Variants in ZFAND3 observed in about 807,000 individuals in gnomAD.
ZFAND3 encodes the protein AN1-type zinc finger protein 3.
A neutral mutation model predicts 29.6 loss-of-function variants in ZFAND3; 10 were observed. The observed-to-expected ratio is 0.34, with a 90% CI of 0.21 to 0.57. The LOEUF is 0.57. ZFAND3 is among the 20% of genes least tolerant of loss of function. The pLI is 0.86. For missense variants in ZFAND3, 230 were observed against 304.5 expected (o/e 0.76, Z 1.82); for synonymous variants, 128 against 112.6 (o/e 1.14, Z -0.87).
chr6:37,942,622 A>T (rs1262517498), intron 2 of ZFAND3, among the ~76,000 whole-genome samples: 4 of 152,280 alleles, frequency 2.6e-5, no homozygotes, highest in African/African-American at 9.6e-5. Context: ...AAGCTTCTAC[A>T]ATCTTGTGGG....
chr6:38,151,265 C>T (rs1766217402), intron 5 of ZFAND3, among the ~76,000 whole-genome samples: 2 of 152,226 alleles, frequency 1.3e-5, no homozygotes, highest in African/African-American at 2.4e-5. Flanking sequence ...CGATAGGCCT[C>T]TTGATCTTTC....
At chr6:37,833,378 C>G (rs755988833) in intron 1 of ZFAND3, among the ~76,000 whole-genome samples, 2 of 152,146 alleles carry the variant, frequency 1.3e-5, no homozygotes, top group African/African-American at 2.4e-5. Context: ...AGTAACTGCT[C>G]CCTTCCTCTC....
chr6:37,933,800 A>G (rs1323024930), intron 2 of ZFAND3, among the ~76,000 whole-genome samples: 1 of 150,794 alleles, frequency 6.6e-6, no homozygotes, highest in Non-Finnish European at 1.5e-5. Flanking sequence ...TTTGACAACT[A>G]TCTTATCATT....
chr6:37,989,280 C>T (rs1307574529), intron 2 of ZFAND3, among the ~76,000 whole-genome samples: 1 of 152,182 alleles, frequency 6.6e-6, no homozygotes, highest in Non-Finnish European at 1.5e-5. Context: ...CTGGCAAAGT[C>T]TCTATCTTAA....
At chr6:37,993,478 C>A (rs1259517555) in intron 2 of ZFAND3, among the ~76,000 whole-genome samples, 1 of 152,126 alleles carries the variant, frequency 6.6e-6, no homozygotes, top group Non-Finnish European at 1.5e-5. Context: ...AGGCGCGTGC[C>A]ACCATGCCTG....
intron 5 of ZFAND3, among the ~76,000 whole-genome samples, chr6:38,140,384 G>A (rs1241103311): frequency 6.6e-6 from 1 of 152,166 alleles, no homozygotes; most frequent in East Asian, 1.9e-4. Flanking sequence ...GGAAAACAAG[G>A]TAAGCAGATG....
chr6:38,103,384 TAC>T lies in ZFAND3; in HGVS notation c.362-13178_362-13177del, dbSNP rs763144370. Among the ~76,000 whole-genome samples the T allele has an allele frequency of 4.8e-5, 7 of 147,144 alleles. 1 individual carries two copies. The highest frequency in any genetic ancestry group is 3.9e-4 in the East Asian group (2 of 5,098). On this transcript the variant is annotated intron_variant, in intron 4 of 5. Coordinates refer to ENST00000287218, the MANE Select transcript of ZFAND3 (RefSeq NM_021943.3). ...TATATATATACACACAATATATATATACACACACACATATATATACACACACA... is the reference window on the plus strand; with the variant it reads ...TATATATATACACACAATATATATATACACACACATATATATACACACACA...
chr6:38,064,796 G>A (rs1041004836), intron 3 of ZFAND3, among the ~76,000 whole-genome samples: 1 of 150,194 alleles, frequency 6.7e-6, no homozygotes, highest in Non-Finnish European at 1.5e-5. Context: ...GTTTCTCTTA[G>A]ACTTATACTC....
chr6:38,141,225 G>A (rs1392613425), intron 5 of ZFAND3, among the ~76,000 whole-genome samples: 1 of 152,222 alleles, frequency 6.6e-6, no homozygotes, highest in African/African-American at 2.4e-5. Context: ...AACATAGATT[G>A]TTTGCAGAAT....
chr6:38,154,122 C>T lies in ZFAND3; in HGVS notation c.*1733C>T, dbSNP rs1766296035. Reference sequence around the variant, plus strand: ...CTAGGGCAACCCAGGGCAGAGGGGCCAGGTCTGCCCAGCGTTTACCACTGC... The same window carrying T: ...CTAGGGCAACCCAGGGCAGAGGGGCTAGGTCTGCCCAGCGTTTACCACTGC... On this transcript the variant is annotated 3_prime_UTR_variant, in exon 6 of 6. Transcript: ENST00000287218. 1.0e-6 allele frequency: 1 copy of T among 985,562 alleles called. No individual in the cohort carries two copies. Among genetic ancestry groups the T allele is most frequent in the Non-Finnish European group, 1.2e-6 (1 of 829,986 alleles). 61.1% of individuals were successfully genotyped at this position (985,562 alleles called of 1,614,324 possible). A position where few individuals can be genotyped will look rare whatever the true frequency, so the allele number is the denominator to read the frequency against.
At chr6:38,048,890 T>C (rs759216734) in intron 2 of ZFAND3, among the ~76,000 whole-genome samples, 10 of 152,216 alleles carry the variant, frequency 6.6e-5, no homozygotes, top group Non-Finnish European at 1.2e-4. Context: ...TTTACTGATA[T>C]GCAGAATCAA....
chr6:37,841,520 G>T (rs913216718), intron 1 of ZFAND3, among the ~76,000 whole-genome samples: 2 of 152,190 alleles, frequency 1.3e-5, no homozygotes, highest in Admixed American at 1.3e-4. Context: ...GCCTGGCTCT[G>T]TTGCCCAGGC....
At chr6:37,896,554 C>CTTTCTTTCTTTCTTTTT (rs1554153846) in intron 1 of ZFAND3, among the ~76,000 whole-genome samples, 1 of 137,698 alleles carries the variant, frequency 7.3e-6, no homozygotes, top group African/African-American at 2.8e-5. Context: ...TTCTTTCTTT[C>CTTTCTTTCTTTCTTTTT]TTTCTTTCTT....
At chr6:38,074,530 A>G (rs1469312954) in intron 3 of ZFAND3, among the ~76,000 whole-genome samples, 6 of 152,194 alleles carry the variant, frequency 3.9e-5, no homozygotes, top group Admixed American at 3.9e-4. Context: ...GTTACAGAAG[A>G]AAAGCTTGGA....
At chr6:37,990,278 T>G (rs1207420187) in intron 2 of ZFAND3, among the ~76,000 whole-genome samples, 1 of 152,194 alleles carries the variant, frequency 6.6e-6, no homozygotes, top group Admixed American at 6.5e-5. Flanking sequence ...AATGAGAGTT[T>G]TGCATTCAAA....
chr6:38,117,921 C>G (rs1765453358), intron 5 of ZFAND3, among the ~76,000 whole-genome samples: 1 of 152,206 alleles, frequency 6.6e-6, no homozygotes, highest in Non-Finnish European at 1.5e-5. Flanking sequence ...AACTCCTATT[C>G]CTGTTTTGAC....
At chr6:38,144,215 TATAATATATATATA>T (rs1766047186) in intron 5 of ZFAND3, among the ~76,000 whole-genome samples, 2 of 40,842 alleles carry the variant, frequency 4.9e-5, no homozygotes, top group African/African-American at 2.0e-4. Context: ...ATATATAATA[TATAATATATATATA>T]TATTTTTTTT....
At chr6:38,086,022 G>A (rs979715104) in intron 4 of ZFAND3, among the ~76,000 whole-genome samples, 4 of 152,162 alleles carry the variant, frequency 2.6e-5, no homozygotes, top group Non-Finnish European at 5.9e-5. Context: ...ATATTTTAGA[G>A]GTGGGCAGCA....
intron 1 of ZFAND3, among the ~76,000 whole-genome samples, chr6:37,905,105 A>G (rs1765385162): frequency 6.6e-6 from 1 of 152,184 alleles, no homozygotes; most frequent in South Asian, 2.1e-4. Flanking sequence ...GTCAGTGTAC[A>G]GTAAAAAGGT....
Sources: gnomAD v4.1 joint callset for allele counts (sites outside exome capture counted in the v4.1 genomes callset) on GRCh38, gnomAD v4.1.1 for gene constraint, MANE v1.5 for transcripts, NCBI Gene and HGNC (gene_info 2026-07-23, HGNC 2026-07-21) for gene names.